PCNT: variants seen among roughly 807,000 people sequenced by gnomAD.
PCNT encodes the protein kendrin.
In PCNT, 319 loss-of-function variants were observed where a neutral mutation model predicts 380.4. That is an observed-to-expected ratio of 0.84 (90% confidence interval 0.77 to 0.92). The LOEUF (loss-of-function observed/expected upper bound fraction) is 0.92. Among genes scored for constraint, PCNT ranks in the 40% least tolerant of loss-of-function variants. The probability of loss-of-function intolerance (pLI) is 0.00; values close to 1 mark genes in which losing one functional copy is unlikely to be tolerated. For missense variants in PCNT, 4,400 were observed against 4,255.3 expected (o/e 1.03, Z -0.95); for synonymous variants, 1,845 against 1,735.2 (o/e 1.06, Z -1.57).
Position 46,381,810 on chromosome 21 carries a change from G to T in PCNT, c.3282G>T (p.Gln1094His), listed in dbSNP as rs78484478. Reference protein sequence around the residue: ...HQEEKESLSLQLQKKNHQVQQ... With the variant: ...HQEEKESLSLHLQKKNHQVQQ... ...AGGAGAAAGAGTCTTTGTCTCTGCAGCTTCAAAAGAAGAATCACCAAGTCC... is the reference window on the plus strand; with the variant it reads ...AGGAGAAAGAGTCTTTGTCTCTGCATCTTCAAAAGAAGAATCACCAAGTCC... The change falls in exon 16 of 47, where the codon CAG becomes CAT. Residue 1094 changes from glutamine (Q) to histidine (H), a missense_variant. Gln to His is a conservative substitution (Grantham distance 24). Coordinates refer to ENST00000359568, the MANE Select transcript of PCNT (RefSeq NM_006031.6). 1 of 1,614,226 alleles carries T rather than the reference G, an allele frequency of 6.2e-7. No individual in the cohort carries two copies. Among genetic ancestry groups the T allele is most frequent in the African/African-American group, 1.3e-5 (1 of 75,068 alleles).
rs2085912329 is a variant in PCNT, at chr21:46,388,313, G to A, written c.3465-429G>A. On this transcript the variant is annotated intron_variant, in intron 17 of 46. Transcript: ENST00000359568. This position sits in a 1 kb window ranked among gnomAD's most constrained non-coding sequence, Gnocchi z 4.2. ...CCTGCCACACAACTCCTGTGAATGT[G>A]TGGCTGAGGCGTGACTTGGTGTTGG... Among the ~76,000 whole-genome samples the A allele has an allele frequency of 6.6e-6, 1 of 152,204 alleles. No homozygotes were observed. Among genetic ancestry groups the A allele is most frequent in the Admixed American group, 6.5e-5 (1 of 15,280 alleles).
In PCNT at chr21:46,402,315, T is replaced by G; in HGVS notation, c.4963-16T>G. ...AGATGACTTTTAATACTTTTCTTCT[T>G]TTGTTTTAATGAAAGGTTTTGGACT... On this transcript the variant is annotated splice_polypyrimidine_tract_variant and intron_variant, in intron 26 of 46. Coordinates refer to ENST00000359568, the MANE Select transcript of PCNT (RefSeq NM_006031.6). 1.3e-6 allele frequency: 2 copies of G among 1,554,914 alleles called. No homozygotes were observed. Among genetic ancestry groups the G allele is most frequent in the Non-Finnish European group, 8.9e-7 (1 of 1,128,054 alleles).
intron 2 of PCNT, among the ~76,000 whole-genome samples, chr21:46,332,589 C>G (rs1211637756): frequency 6.6e-6 from 1 of 152,178 alleles, no homozygotes; most frequent in Non-Finnish European, 1.5e-5. Flanking sequence ...GTCCCCTTTT[C>G]GTCCCTCACT....
Position 46,411,362 on chromosome 21 carries a change from C to G in PCNT, c.5289C>G (p.Val1763=), listed in dbSNP as rs1404626342. ...TCATGGGGCCTGTGGTGCACGAAGT[C>G]AGCGACAGTCAGGCTGGCAGTCTGC... ...LSLMGPVVHE[V]SDSQAGSLQS... The change falls in exon 28 of 47, where the codon GTC becomes GTG. Residue 1763 remains valine (V), a synonymous_variant. Coordinates refer to ENST00000359568, the MANE Select transcript of PCNT (RefSeq NM_006031.6). 1 of 1,614,106 alleles carries G rather than the reference C, an allele frequency of 6.2e-7. No individual in the cohort carries two copies. The highest frequency in any genetic ancestry group is 1.1e-5 in the South Asian group (1 of 91,080).
At chr21:46,430,819 C>G (rs1478382387) in intron 37 of PCNT, 162 bp downstream of exon 37, 5 of 985,462 alleles carry the variant, frequency 5.1e-6, no homozygotes, top group South Asian at 9.4e-5. Context: ...GGTAAAATTG[C>G]ACCTTGGTGT....
chr21:46,398,923 C>T (rs934041986), intron 24 of PCNT, among the ~76,000 whole-genome samples: 1 of 150,874 alleles, frequency 6.6e-6, no homozygotes, highest in Non-Finnish European at 1.5e-5. Context: ...GGGTTCACGC[C>T]ATTCTCCTGC....
At chr21:46,426,077 T>TTC in intron 33 of PCNT, 106 bp downstream of exon 33, 3 of 974,502 alleles carry the variant, frequency 3.1e-6, no homozygotes, top group East Asian at 5.7e-5. Context: ...TTCTTTTTTT[T>TTC]TTTTTTTTTT....
Position 46,412,970 on chromosome 21 carries a change from T to G in PCNT, c.6128T>G (p.Leu2043Arg). 1 of 1,608,804 alleles carries G rather than the reference T, an allele frequency of 6.2e-7. No homozygotes were observed. The highest frequency in any genetic ancestry group is 1.7e-5 in the Admixed American group (1 of 59,888). Residue 2043 changes from leucine to arginine, a missense_variant, in exon 29 of 47, where the codon CTG becomes CGG. Transcript: ENST00000359568. ...ELLLVKNEMR[L>R]SLEDGGKGKE... ...CTCTTGGTGAAAAATGAAATGCGCCTGAGTCTGGAGGACGGCGGCAAGGTG... is the reference window on the plus strand; with the variant it reads ...CTCTTGGTGAAAAATGAAATGCGCCGGAGTCTGGAGGACGGCGGCAAGGTG...
rs371203798 is a variant in PCNT, at chr21:46,386,004, G to A, written c.3464+21G>A. 18 of 1,613,318 alleles carry A rather than the reference G, an allele frequency of 1.1e-5. 1 individual carries two copies. The highest frequency in any genetic ancestry group is 6.7e-5 in the East Asian group (3 of 44,884). On this transcript the variant is annotated intron_variant, in intron 17 of 46. Transcript: ENST00000359568. ...GAAAGGTCAGTGTGTCCTCGGCACCGAGGCTGCCTTGTGGCCGCCAGCACC... is the reference window on the plus strand; with the variant it reads ...GAAAGGTCAGTGTGTCCTCGGCACCAAGGCTGCCTTGTGGCCGCCAGCACC...
intron 3 of PCNT, among the ~76,000 whole-genome samples, chr21:46,336,829 A>G (rs1295438289): frequency 1.3e-5 from 2 of 152,028 alleles, no homozygotes; most frequent in Non-Finnish European, 2.9e-5. Context: ...GTTAAATAGG[A>G]ATACATACTG....
chr21:46,363,435 T>C, intron 13 of PCNT, 45 bp from the exon 14 acceptor site: 1 of 1,499,114 alleles, frequency 6.7e-7, no homozygotes, highest in Non-Finnish European at 9.3e-7. Context: ...TAATAATCTC[T>C]TCCATTAGCG....
rs766797294 is a variant in PCNT at position 46,324,192 on chromosome 21, C to T, written c.-37C>T. On this transcript the variant is annotated 5_prime_UTR_variant, in exon 1 of 47. Coordinates refer to ENST00000359568, the MANE Select transcript of PCNT (RefSeq NM_006031.6). Reference sequence around the variant, plus strand: ...AGCGAAGGCTGCTCTGTGTCAGCCCCGTCACCGCCGGGCGGCCCGCGCGGA... The same window carrying T: ...AGCGAAGGCTGCTCTGTGTCAGCCCTGTCACCGCCGGGCGGCCCGCGCGGA... The T allele has an allele frequency of 4.4e-6, 7 of 1,586,512 alleles. No individual in the cohort carries two copies. The highest frequency in any genetic ancestry group is 2.7e-5 in the African/African-American group (2 of 74,532).
chr21:46,348,809 G>T (rs188375735), intron 6 of PCNT, among the ~76,000 whole-genome samples: 63 of 151,448 alleles, frequency 4.2e-4, no homozygotes, highest in African/African-American at 1.5e-3. Flanking sequence ...TTGTAGAGAT[G>T]GGGTCTCACT....
intron 3 of PCNT, among the ~76,000 whole-genome samples, chr21:46,342,797 G>T (rs1170276440): frequency 6.6e-6 from 1 of 152,150 alleles, no homozygotes; most frequent in African/African-American, 2.4e-5. Context: ...CCAAAGTGCT[G>T]GGATTGCAGG....
chr21:46,428,729 C>T, intron 35 of PCNT, 139 bp downstream of exon 35: 1 of 803,306 alleles, frequency 1.2e-6, no homozygotes, highest in Middle Eastern at 3.5e-4. Context: ...TGGTTGTCAG[C>T]TGATAGGACT....
chr21:46,381,666 T>C, intron 15 of PCNT, 28 bp from the exon 16 acceptor site: 2 of 1,603,924 alleles, frequency 1.2e-6, no homozygotes, highest in South Asian at 1.1e-5. Context: ...AGCTTACTGG[T>C]ATTTTTTATT....
intron 15 of PCNT, among the ~76,000 whole-genome samples, chr21:46,372,514 T>TG (rs1347365131): frequency 6.6e-6 from 1 of 152,062 alleles, no homozygotes; most frequent in Non-Finnish European, 1.5e-5. Flanking sequence ...GGCCTTTCTG[T>TG]GGGGGGAGGG....
chr21:46,325,082 G>A (rs2083329222), intron 1 of PCNT: 1 of 985,500 alleles, frequency 1.0e-6, no homozygotes, highest in East Asian at 1.1e-4. Flanking sequence ...GTGAAAAAGC[G>A]CTCGGTTTGA....
At chr21:46,423,773 GAT>G (rs2087362705) in intron 32 of PCNT, among the ~76,000 whole-genome samples, 1 of 97,306 alleles carries the variant, frequency 1.0e-5, no homozygotes, top group Non-Finnish European at 2.2e-5. Flanking sequence ...AAGGGAGGGG[GAT>G]GAGGAGGGGG....
Sources: allele counts gnomAD v4.1 joint callset (sites outside exome capture counted in the v4.1 genomes callset), GRCh38; gene constraint gnomAD v4.1.1; non-coding constraint Gnocchi (gnomAD v3.1); transcripts MANE v1.5; gene names NCBI Gene and HGNC (gene_info 2026-07-23, HGNC 2026-07-21).